Variants in CCAR1 observed in about 807,000 individuals in gnomAD.
CCAR1 encodes the protein cell division cycle and apoptosis regulator protein 1.
Under a neutral mutation model 163.8 loss-of-function variants are expected in CCAR1, and 78 were observed. The observed-to-expected ratio is 0.48, with a 90% CI of 0.40 to 0.57. The LOEUF (loss-of-function observed/expected upper bound fraction) is 0.57, where lower values mean the gene tolerates loss of function less well. Ranked by LOEUF, CCAR1 falls within the 20% of genes least tolerant of loss-of-function variation. The probability of loss-of-function intolerance (pLI) is 0.00; values close to 1 mark genes in which losing one functional copy is unlikely to be tolerated. For synonymous variants in CCAR1, 443 were observed against 460.7 expected (o/e 0.96, Z 0.49); for missense variants, 1,019 against 1,365.2 (o/e 0.75, Z 4.00).
chr10:68,736,019 A>G (rs1277431630), intron 2 of CCAR1, among the ~76,000 whole-genome samples: 5 of 151,752 alleles, frequency 3.3e-5, no homozygotes, highest in Non-Finnish European at 7.4e-5. Flanking sequence ...TGCCCAGTTA[A>G]TTTTTGTATT....
chr10:68,760,337 C>G (rs2056453144), intron 15 of CCAR1, among the ~76,000 whole-genome samples: 1 of 152,062 alleles, frequency 6.6e-6, no homozygotes, highest in South Asian at 2.1e-4. Context: ...TTAGACTCTT[C>G]CCTTTTTTGG....
intron 15 of CCAR1, chr10:68,759,488 G>A (rs1220928543): frequency 6.5e-6 from 1 of 153,270 alleles, no homozygotes; most frequent in African/African-American, 2.4e-5. Context: ...AGCACTTTTG[G>A]AGGCCCAGAT....
chr10:68,742,303 T>G, intron 5 of CCAR1, 73 bp from the exon 6 acceptor site: 1 of 1,242,100 alleles, frequency 8.1e-7, no homozygotes, highest in Non-Finnish European at 1.1e-6. Context: ...CTGGGTTAGT[T>G]TTAAGTAGTC....
rs2056368283 is a variant in CCAR1 at position 68,753,920 on chromosome 10, A to T, written c.1187A>T (p.Asp396Val). 3 of 1,613,900 alleles carry T rather than the reference A, an allele frequency of 1.9e-6. No individual in the cohort carries two copies. The highest frequency in any genetic ancestry group is 1.7e-5 in the Admixed American group (1 of 59,992). ...QNLYIPSDFF[D>V]AQFTWVDAFP... Reference sequence around the variant, plus strand: ...TTGTATATACCTAGTGACTTTTTTGATGCTCAATTTACATGGGTGGATGCT... The same window carrying T: ...TTGTATATACCTAGTGACTTTTTTGTTGCTCAATTTACATGGGTGGATGCT... Residue 396 changes from aspartate (D) to valine (V), a missense_variant, in exon 11 of 25, where the codon GAT (aspartate) becomes GTT (valine). Around this residue, in one of 4 missense-constraint regions of CCAR1, gnomAD observed 644 missense variants for 904.4 expected, o/e 0.71. Coordinates refer to ENST00000265872, the MANE Select transcript of CCAR1 (RefSeq NM_018237.4).
chr10:68,748,485 C>CT (rs768641201), intron 8 of CCAR1, among the ~76,000 whole-genome samples: 7,415 of 117,798 alleles, frequency 0.063, 312 homozygotes, highest in Non-Finnish European at 0.073. Context: ...GTGACATGTT[C>CT]TTTTTTTTTT....
At chr10:68,740,580 A>G (rs536897123) in intron 4 of CCAR1, 49 bp from the exon 5 acceptor site, 8 of 1,490,338 alleles carry the variant, frequency 5.4e-6, no homozygotes, top group African/African-American at 1.4e-5. Flanking sequence ...CTATGAAGCA[A>G]CAATTCTGAT....
intron 19 of CCAR1, among the ~76,000 whole-genome samples, chr10:68,781,975 T>G (rs1046983814): frequency 6.6e-6 from 1 of 152,146 alleles, no homozygotes; most frequent in South Asian, 2.1e-4. Flanking sequence ...CAAAAGCTAG[T>G]TTTTTTGGCG....
At chr10:68,725,062 C>T (rs1418753867) in intron 2 of CCAR1, among the ~76,000 whole-genome samples, 2 of 151,972 alleles carry the variant, frequency 1.3e-5, no homozygotes, top group African/African-American at 2.4e-5. Flanking sequence ...CTCTTGAACC[C>T]GGCGGAGGTT....
intron 1 of CCAR1, 143 bp from the exon 2 acceptor site, chr10:68,722,312 C>G (rs1237238259): frequency 1.8e-6 from 1 of 556,312 alleles, no homozygotes; most frequent in Non-Finnish European, 3.3e-6. Flanking sequence ...GTTCATTTGC[C>G]CTTTTTCTAC....
At chr10:68,766,763 G>A (rs1390710992) in intron 17 of CCAR1, among the ~76,000 whole-genome samples, 2 of 152,030 alleles carry the variant, frequency 1.3e-5, no homozygotes, top group Admixed American at 1.3e-4. Flanking sequence ...AACCTCAGGT[G>A]ATCTGCCCGC....
chr10:68,790,033 C>T, intron 24 of CCAR1, 118 bp downstream of exon 24: 2 of 612,102 alleles, frequency 3.3e-6, no homozygotes, highest in Non-Finnish European at 5.4e-6. Context: ...ATAATGATAG[C>T]ATTGTGACCT....
intron 19 of CCAR1, among the ~76,000 whole-genome samples, chr10:68,774,661 G>A (rs1171258846): frequency 1.3e-5 from 2 of 151,428 alleles, no homozygotes; most frequent in African/African-American, 2.4e-5. Flanking sequence ...TGGGCATTTT[G>A]TTTAACAAAG....
chr10:68,746,960 T>C (rs958749432), intron 6 of CCAR1, among the ~76,000 whole-genome samples: 1 of 152,104 alleles, frequency 6.6e-6, no homozygotes, highest in Non-Finnish European at 1.5e-5. Flanking sequence ...GTTACATATG[T>C]ATACATGTGC....
chr10:68,789,696 A>T lies in CCAR1; in HGVS notation c.3188-14A>T. ...TAGGAAGTAAAATGTTAATTTTTGG[A>T]TTTTTTTAAACAGATGAAGATGAAA... is the stretch of plus-strand genomic sequence containing the variant. On this transcript the variant is annotated splice_polypyrimidine_tract_variant and intron_variant, in intron 23 of 24. Transcript: ENST00000265872. 1 of 1,487,066 alleles carries T rather than the reference A, an allele frequency of 6.7e-7. No homozygotes were observed. The highest frequency in any genetic ancestry group is 2.3e-5 in the East Asian group (1 of 43,310). The allele number at this position is 1,487,066 out of a possible 1,614,324, so 92.1% of individuals were successfully genotyped here.
chr10:68,739,241 C>G (rs1478818687), intron 4 of CCAR1, among the ~76,000 whole-genome samples: 1 of 152,114 alleles, frequency 6.6e-6, no homozygotes, highest in Non-Finnish European at 1.5e-5. Flanking sequence ...CCTCTGCCTC[C>G]CAGATTCAAG....
At chr10:68,754,906 C>T (rs1456620513) in intron 12 of CCAR1, 79 bp downstream of exon 12, 5 of 762,666 alleles carry the variant, frequency 6.6e-6, no homozygotes, top group Middle Eastern at 2.3e-4. Context: ...AATCTAAAGC[C>T]CTACATTTTA....
rs538898922 is a variant in CCAR1 at position 68,722,661 on chromosome 10, A to G, written c.73+84A>G. 3.6e-5 allele frequency: 37 copies of G among 1,040,764 alleles called. No individual in the cohort carries two copies. The African/African-American group carries it at 4.7e-4, about 13-fold the overall frequency. 64.5% of individuals were successfully genotyped at this position (1,040,764 alleles called of 1,614,324 possible). A position where few individuals can be genotyped will look rare whatever the true frequency, so the allele number is the denominator to read the frequency against. ...GAATTAGGGCCGGGGGTGGTGGCTC[A>G]CGCCTGTTATCCTAGCACTTTGGGA... On this transcript the variant is annotated intron_variant, in intron 2 of 24. Transcript: ENST00000265872.
At chr10:68,758,512 G>A (rs1380679723) in intron 15 of CCAR1, among the ~76,000 whole-genome samples, 2 of 136,134 alleles carry the variant, frequency 1.5e-5, no homozygotes, top group Non-Finnish European at 3.0e-5. Context: ...CAGTGTGTGT[G>A]TGTGTGTGTG....
chr10:68,739,876 A>G (rs2056160969), intron 4 of CCAR1, among the ~76,000 whole-genome samples: 1 of 152,228 alleles, frequency 6.6e-6, no homozygotes. Context: ...ACAACCTCAT[A>G]CAGATTATTT....
Sources: allele counts gnomAD v4.1 joint callset (sites outside exome capture counted in the v4.1 genomes callset), GRCh38; gene constraint gnomAD v4.1.1; regional missense constraint gnomAD v4.1.1; transcripts MANE v1.5; gene names NCBI Gene and HGNC (gene_info 2026-07-23, HGNC 2026-07-21).